COMMD1: variants seen among roughly 807,000 people sequenced by gnomAD.
COMMD1 encodes the protein COMM domain-containing protein 1.
In COMMD1, 10 loss-of-function variants were observed where a neutral mutation model predicts 17.2. That is an observed-to-expected ratio of 0.58 (90% CI 0.36 to 0.99). The LOEUF (loss-of-function observed/expected upper bound fraction) is 0.99, where lower values mean the gene tolerates loss of function less well. Ranked by LOEUF, COMMD1 falls within the 50% of genes least tolerant of loss-of-function variation. The probability of loss-of-function intolerance (pLI) is 0.01; values close to 1 mark genes in which losing one functional copy is unlikely to be tolerated. For missense variants in COMMD1, 270 were observed against 231.8 expected, an observed-to-expected ratio of 1.17 and a Z score of -1.07; for synonymous variants, 97 against 91.6, an observed-to-expected ratio of 1.06 and a Z score of -0.34.
chr2:61,896,814 C>CTTTCCTTT (rs1558513560), intron 1 of COMMD1, among the ~76,000 whole-genome samples: 1 of 146,214 alleles, frequency 6.8e-6, no homozygotes. Context: ...GTTCTTTTTC[C>CTTTCCTTT]TTTTCTTTTT....
chr2:61,906,255 G>A (rs1669770007), intron 1 of COMMD1, among the ~76,000 whole-genome samples: 1 of 152,198 alleles, frequency 6.6e-6, no homozygotes, highest in African/African-American at 2.4e-5. Context: ...GTGTCTGCTG[G>A]ATAAGGGGTG....
intron 1 of COMMD1, among the ~76,000 whole-genome samples, chr2:61,997,167 C>T (rs1196841114): frequency 6.6e-6 from 1 of 151,674 alleles, no homozygotes; most frequent in Non-Finnish European, 1.5e-5. Context: ...CACAGTGATC[C>T]TCCCACCTCA....
At chr2:61,893,100 C>T (rs192635720) in intron 1 of COMMD1, among the ~76,000 whole-genome samples, 1 of 152,120 alleles carries the variant, frequency 6.6e-6, no homozygotes, top group African/African-American at 2.4e-5. Context: ...CTCCCGACCA[C>T]AGGTGATCTG....
intron 2 of COMMD1, among the ~76,000 whole-genome samples, chr2:62,116,510 A>G (rs1672606942): frequency 6.6e-6 from 1 of 152,042 alleles, no homozygotes; most frequent in African/African-American, 2.4e-5. Flanking sequence ...CGTCTCTACT[A>G]AAAATACCCG....
intron 2 of COMMD1, among the ~76,000 whole-genome samples, chr2:62,035,723 G>C (rs569727779): frequency 7.3e-6 from 1 of 136,602 alleles, no homozygotes; most frequent in South Asian, 2.4e-4. Flanking sequence ...CTGTGCAACA[G>C]AGTGAGACTC....
At chr2:62,056,991 G>A (rs1019926229) in intron 2 of COMMD1, among the ~76,000 whole-genome samples, 1 of 152,126 alleles carries the variant, frequency 6.6e-6, no homozygotes, top group African/African-American at 2.4e-5. Flanking sequence ...AGCGTTTTCT[G>A]CAGTGACAGC....
At chr2:61,996,929 A>G (rs1024596134) in intron 1 of COMMD1, among the ~76,000 whole-genome samples, 1 of 152,224 alleles carries the variant, frequency 6.6e-6, no homozygotes, top group Non-Finnish European at 1.5e-5. Flanking sequence ...TCTTCTATGA[A>G]TCGTGAATGT....
At chr2:62,006,975 C>T (rs1276130695) in intron 2 of COMMD1, among the ~76,000 whole-genome samples, 2 of 152,034 alleles carry the variant, frequency 1.3e-5, no homozygotes, top group Admixed American at 6.6e-5. Context: ...ACTTCTTGTC[C>T]TTCAAGGCCA....
At chr2:61,920,196 T>G (rs1670152540) in intron 1 of COMMD1, among the ~76,000 whole-genome samples, 1 of 152,206 alleles carries the variant, frequency 6.6e-6, no homozygotes, top group Admixed American at 6.5e-5. Flanking sequence ...TTTAGACCTA[T>G]GAATTTCAGC....
In COMMD1 at chr2:62,004,428, A is replaced by C. The variant is rs1401739253; in HGVS notation, c.462+3446A>C. 2.6e-5 allele frequency among the ~76,000 whole-genome samples: 4 copies of C among 151,960 alleles called. No homozygotes were observed. In the South Asian group the frequency reaches 6.2e-4, roughly 24 times the overall value. On this transcript the variant is annotated intron_variant, in intron 2 of 2. Transcript: ENST00000311832. The stretch of plus-strand genomic sequence containing the variant: ...TGGTTCTCTTGCCTCAGCCTCCCCG[A>C]GTAGCTGGGATTACAGGTGCCTGCC...
intron 1 of COMMD1, among the ~76,000 whole-genome samples, chr2:61,964,734 A>C (rs1478433434): frequency 2.0e-5 from 3 of 151,888 alleles, no homozygotes; most frequent in Non-Finnish European, 4.4e-5. Context: ...GAGGCTGGGC[A>C]TGGTGGCTCA....
chr2:62,084,697 T>C (rs1337746785), intron 2 of COMMD1: 2 of 152,270 alleles, frequency 1.3e-5, no homozygotes, highest in Non-Finnish European at 2.9e-5. Flanking sequence ...TTTTGTTCTC[T>C]ACATGGGGAC....
chr2:62,131,089 C>A (rs58706753), intron 2 of COMMD1, among the ~76,000 whole-genome samples: 3,911 of 152,190 alleles, frequency 0.026, 170 homozygotes, highest in African/African-American at 0.089. Context: ...GAGAGGGAAT[C>A]CTCTCACGGA....
chr2:61,984,857 A>C, intron 1 of COMMD1, among the ~76,000 whole-genome samples: 1 of 151,652 alleles, frequency 6.6e-6, no homozygotes, highest in African/African-American at 2.4e-5. Flanking sequence ...ATATATTTAA[A>C]ATTGTTTTAT....
At chr2:61,948,735 T>C (rs1464738299) in intron 1 of COMMD1, among the ~76,000 whole-genome samples, 1 of 152,252 alleles carries the variant, frequency 6.6e-6, no homozygotes, top group Admixed American at 6.5e-5. Context: ...CAGAGGAGAC[T>C]TTTAAGACTT....
rs530554596 is a variant in COMMD1 at position 62,063,791 on chromosome 2, C to T, written c.462+62809C>T. ...ATTTTCATTTCAAGAAATTCTATTT[C>T]GCTTTTTTTTCATATCTGGTCATTT... On this transcript the variant is annotated intron_variant, in intron 2 of 2. Transcript: ENST00000311832. 1.6e-3 allele frequency among the ~76,000 whole-genome samples: 243 copies of T among 147,844 alleles called. 2 individuals carry two copies. The highest frequency in any genetic ancestry group is 4.7e-3 in the African/African-American group (189 of 40,272).
chr2:62,036,843 C>T lies in COMMD1; in HGVS notation c.462+35861C>T, dbSNP rs145170747. 3.9e-4 allele frequency among the ~76,000 whole-genome samples: 60 copies of T among 152,252 alleles called. No individual in the cohort carries two copies. The East Asian group carries it at 0.011, about 28-fold the overall frequency. On this transcript the variant is annotated intron_variant, in intron 2 of 2. Coordinates refer to ENST00000311832, the MANE Select transcript of COMMD1 (RefSeq NM_152516.4). Reference sequence around the variant, plus strand: ...CCCTAGGATTAGTAAACTTAACCTGCTTTTTGATTACTGCTCATACTCTTG... The same window carrying T: ...CCCTAGGATTAGTAAACTTAACCTGTTTTTTGATTACTGCTCATACTCTTG...
At chr2:61,989,076 G>A (rs2103773888) in intron 1 of COMMD1, among the ~76,000 whole-genome samples, 1 of 152,300 alleles carries the variant, frequency 6.6e-6, no homozygotes, top group South Asian at 2.1e-4. Context: ...TTTTTCTGCA[G>A]TATGAAGTTA....
At chr2:62,055,370 C>T (rs1670664890) in intron 2 of COMMD1, 1 of 455,108 alleles carries the variant, frequency 2.2e-6, no homozygotes, top group Non-Finnish European at 4.4e-6. Context: ...CAGCAGAAGA[C>T]TCTAAGACTG....
Sources: allele counts gnomAD v4.1 joint callset (sites outside exome capture counted in the v4.1 genomes callset), GRCh38; gene constraint gnomAD v4.1.1; transcripts MANE v1.5; gene names NCBI Gene and HGNC (gene_info 2026-07-23, HGNC 2026-07-21).